ELL2: variants seen among roughly 807,000 people sequenced by gnomAD.
ELL2 encodes elongation factor for RNA polymerase II 2.
ELL2 carries 21 observed loss-of-function variants against 72.8 expected under a neutral mutation model. The ratio of observed to expected loss-of-function variants is 0.29; its 90% CI spans 0.20 to 0.42. ELL2 has a LOEUF of 0.42. Among genes scored for constraint, ELL2 ranks in the 10% least tolerant of loss-of-function variants. The pLI, the probability that ELL2 is intolerant of heterozygous loss-of-function variation, is 1.00. For synonymous variants in ELL2, 266 were observed against 283.2 expected (o/e 0.94, Z 0.61); for missense variants, 568 against 772.8 (o/e 0.73, Z 3.14).
chr5:95,900,660 T>C (rs1749099229), intron 7 of ELL2, 33 bp downstream of exon 7: 3 of 1,463,350 alleles, frequency 2.1e-6, no homozygotes, highest in Admixed American at 2.1e-5. Context: ...CTAATATCTA[T>C]GTCAGGTCTA....
At chr5:95,941,862 A>G (rs1410008224) in intron 2 of ELL2, among the ~76,000 whole-genome samples, 1 of 152,254 alleles carries the variant, frequency 6.6e-6, no homozygotes, top group East Asian at 1.9e-4. Context: ...ATAGAAAATC[A>G]GCATGTGCTA....
chr5:95,916,574 C>A (rs1194261893), intron 3 of ELL2, among the ~76,000 whole-genome samples: 1 of 152,170 alleles, frequency 6.6e-6, no homozygotes, highest in Non-Finnish European at 1.5e-5. Flanking sequence ...ACCAATAACA[C>A]ATCCACTGGA....
At chr5:95,896,408 G>C (rs1748879126) in intron 8 of ELL2, among the ~76,000 whole-genome samples, 1 of 151,830 alleles carries the variant, frequency 6.6e-6, no homozygotes, top group African/African-American at 2.4e-5. Flanking sequence ...TCTTTATCAG[G>C]GTAATTTTTT....
chr5:95,942,698 T>C (rs906298584), intron 2 of ELL2, among the ~76,000 whole-genome samples: 12 of 152,162 alleles, frequency 7.9e-5, no homozygotes, highest in Non-Finnish European at 1.5e-4. Context: ...GCTGTGATAA[T>C]ACATACTCAC....
At chr5:95,912,103 A>G (rs1422167210) in intron 4 of ELL2, among the ~76,000 whole-genome samples, 1 of 152,250 alleles carries the variant, frequency 6.6e-6, no homozygotes, top group Non-Finnish European at 1.5e-5. Context: ...TGCAAGTTCT[A>G]AAATTCCCAG....
At chr5:95,940,521 A>AAAATGATT (rs1561510770) in intron 2 of ELL2, among the ~76,000 whole-genome samples, 1 of 152,198 alleles carries the variant, frequency 6.6e-6, no homozygotes, top group Non-Finnish European at 1.5e-5. Flanking sequence ...AGGGAAACAG[A>AAAATGATT]AAATGATTTT....
intron 11 of ELL2, 35 bp from the exon 12 acceptor site, chr5:95,889,022 G>A (rs371582892): frequency 6.2e-6 from 9 of 1,462,676 alleles, no homozygotes; most frequent in Non-Finnish European, 8.5e-6. Context: ...AAAGAGGAAT[G>A]AGATTGCAGA....
chr5:95,925,749 T>A (rs1363237369), intron 2 of ELL2, among the ~76,000 whole-genome samples: 1 of 152,216 alleles, frequency 6.6e-6, no homozygotes, highest in Non-Finnish European at 1.5e-5. Flanking sequence ...CAAAATAACT[T>A]TCTTTGCTGT....
intron 4 of ELL2, among the ~76,000 whole-genome samples, chr5:95,910,690 A>C (rs527306335): frequency 1.3e-4 from 20 of 152,242 alleles, no homozygotes; most frequent in African/African-American, 4.6e-4. Context: ...TCCCTAGTCT[A>C]GCTGTCAGCC....
chr5:95,948,429 C>CAAAAAAAAAAAAAAAAAAAA (rs1187881368), intron 1 of ELL2, among the ~76,000 whole-genome samples: 1 of 35,218 alleles, frequency 2.8e-5, no homozygotes, highest in African/African-American at 1.2e-4. Context: ...GACTCCGCCT[C>CAAAAAAAAAAAAAAAAAAAA]AAAAAAAAAA....
chr5:95,961,654 C>T lies in ELL2; in HGVS notation c.68G>A (p.Gly23Glu). 1 of 1,610,526 alleles carries T rather than the reference C, an allele frequency of 6.2e-7. No individual in the cohort carries two copies. The highest frequency in any genetic ancestry group is 2.2e-5 in the East Asian group (1 of 44,464). ...QRYGLSCGRL[G>E]QDNITVLHVK... Reference sequence around the variant, plus strand: ...ATGCAGTACGGTGATGTTGTCCTGCCCCAGCCGTCCGCACGACAGCCCATA... The same window carrying T: ...ATGCAGTACGGTGATGTTGTCCTGCTCCAGCCGTCCGCACGACAGCCCATA... Residue 23 changes from glycine (G) to glutamate (E), a missense_variant, in exon 1 of 12, where the codon GGG (glycine) becomes GAG (glutamate). This residue lies in a region of ELL2 where 57 missense variants were observed against 44.4 expected (regional missense o/e 1.28). Transcript: ENST00000237853.
intron 10 of ELL2, among the ~76,000 whole-genome samples, chr5:95,890,379 G>A (rs1001716480): frequency 6.6e-6 from 1 of 152,214 alleles, no homozygotes; most frequent in African/African-American, 2.4e-5. Context: ...CACTGGTAGT[G>A]GGCTGGGACA....
At chr5:95,935,145 T>G (rs1750728157) in intron 2 of ELL2, among the ~76,000 whole-genome samples, 1 of 152,174 alleles carries the variant, frequency 6.6e-6, no homozygotes, top group East Asian at 1.9e-4. Flanking sequence ...CCTTTTTTGG[T>G]TTTTAATAAT....
rs376793009 is a variant in ELL2, at chr5:95,919,548, A to G, written c.196-3T>C. The G allele has an allele frequency of 4.5e-6, 7 of 1,558,798 alleles. No homozygotes were observed. The highest frequency in any genetic ancestry group is 6.0e-6 in the Non-Finnish European group (7 of 1,161,250). On this transcript the variant is annotated splice_polypyrimidine_tract_variant and splice_region_variant and intron_variant, in intron 2 of 11. Coordinates refer to ENST00000237853, the MANE Select transcript of ELL2 (RefSeq NM_012081.6). ...TCATTTTTGGGAATTTTGACAAGCT[A>G]AAATGAGGGGAAAAGAGAGAAACGC...
At chr5:95,907,855 C>T (rs901510121) in intron 4 of ELL2, among the ~76,000 whole-genome samples, 11 of 152,178 alleles carry the variant, frequency 7.2e-5, no homozygotes, top group Admixed American at 1.3e-4. Context: ...AAAAGCAGCT[C>T]CTATAAGCTG....
Position 95,898,293 on chromosome 5 carries a change from T to C in ELL2, c.1472A>G (p.Lys491Arg), listed in dbSNP as rs1454902674. The change falls in exon 8 of 12, where the codon AAG (lysine) becomes AGG (arginine). Residue 491 changes from lysine to arginine, a missense_variant. Lys to Arg is a conservative substitution (Grantham distance 26, BLOSUM62 2). This residue lies in a region of ELL2 where 511 missense variants were observed against 728.4 expected (regional missense o/e 0.70). Coordinates refer to ENST00000237853, the MANE Select transcript of ELL2 (RefSeq NM_012081.6). ...TAGCTTGGCAATTTCCTCTTCTCTC[T>C]TAAGATCTTCCTCCTTTTCCTCAAT... ...ETIEEKEEDL[K>R]REEEIAKLNN... 1 of 1,612,434 alleles carries C rather than the reference T, an allele frequency of 6.2e-7. No individual in the cohort carries two copies. The highest frequency in any genetic ancestry group is 8.5e-7 in the Non-Finnish European group (1 of 1,179,580).
rs892304529 is a variant in ELL2 at position 95,888,745 on chromosome 5, T to C, written c.*126A>G. The stretch of plus-strand genomic sequence containing the variant: ...AGTAAAATGGAAAAGAAAAAGTAAC[T>C]CAAGTTTACTAATACTGAAACTTTC... On this transcript the variant is annotated 3_prime_UTR_variant, in exon 12 of 12. Transcript: ENST00000237853. The C allele has an allele frequency of 6.4e-6, 4 of 627,580 alleles. No individual in the cohort carries two copies. Among genetic ancestry groups the C allele is most frequent in the Non-Finnish European group, 1.0e-5 (4 of 396,770 alleles). 38.9% of individuals were successfully genotyped at this position (627,580 alleles called of 1,614,324 possible).
At chr5:95,931,186 C>A (rs879471897) in intron 2 of ELL2, among the ~76,000 whole-genome samples, 2 of 151,872 alleles carry the variant, frequency 1.3e-5, no homozygotes, top group African/African-American at 4.8e-5. Flanking sequence ...GCTCCAGAAT[C>A]TACCATCTGT....
chr5:95,905,176 C>A (rs987731961), intron 5 of ELL2, among the ~76,000 whole-genome samples: 8 of 151,974 alleles, frequency 5.3e-5, no homozygotes, highest in Non-Finnish European at 1.2e-4. Context: ...ATCAAATGAT[C>A]AACACTAATA....
Sources: gnomAD v4.1 joint callset for allele counts (sites outside exome capture counted in the v4.1 genomes callset) on GRCh38, gnomAD v4.1.1 for gene constraint, gnomAD v4.1.1 regional missense constraint, MANE v1.5 for transcripts, NCBI Gene and HGNC (gene_info 2026-07-23, HGNC 2026-07-21) for gene names.